The following MMP2 variants were observed in gnomAD, a reference collection of about 807,000 sequenced individuals.
MMP2 encodes 72 kDa type IV collagenase.
In MMP2, 39 loss-of-function variants were observed where a neutral mutation model predicts 74.8. The ratio of observed to expected loss-of-function variants is 0.52; its 90% CI spans 0.40 to 0.68. The LOEUF is 0.68. MMP2 is among the 30% of genes least tolerant of loss of function. MMP2 has a pLI of 0.00. For missense variants in MMP2, 803 were observed against 878.3 expected, an observed-to-expected ratio of 0.91 and a Z score of 1.08; for synonymous variants, 367 against 339.8, an observed-to-expected ratio of 1.08 and a Z score of -0.88.
chr16:55,488,621 G>A lies in MMP2; in HGVS notation c.911G>A (p.Ser304Asn). Reference protein sequence around the residue: ...PFRFQGTSYDSCTTEGRTDGY... With the variant: ...PFRFQGTSYDNCTTEGRTDGY... ...CGCTTCCAGGGCACATCCTATGACA[G>A]CTGCACCACTGAGGGCCGCACGGAT... The change falls in exon 6 of 13, where the codon AGC becomes AAC. Residue 304 changes from serine (S) to asparagine (N), a missense_variant. Ser to Asn is a conservative substitution (Grantham distance 46). Transcript: ENST00000219070. 6.2e-7 allele frequency: 1 copy of A among 1,613,942 alleles called. No homozygotes were observed. Among genetic ancestry groups the A allele is most frequent in the East Asian group, 2.2e-5 (1 of 44,866 alleles).
At chr16:55,482,834 T>G in intron 1 of MMP2, 75 bp from the exon 2 acceptor site, 1 of 1,287,796 alleles carries the variant, frequency 7.8e-7, no homozygotes, top group Non-Finnish European at 1.1e-6. Flanking sequence ...GGGGGCTGAT[T>G]GCTACAGCCT....
chr16:55,500,639 G>A (rs901084027), intron 11 of MMP2, among the ~76,000 whole-genome samples: 1 of 152,248 alleles, frequency 6.6e-6, no homozygotes, highest in South Asian at 2.1e-4. Context: ...CCAGAGCCAG[G>A]ACAGACAGCG....
At position 55,489,666 on chromosome 16, in the gene MMP2, G is replaced by A; in HGVS notation, c.1022G>A (p.Gly341Asp). 1 of 1,614,114 alleles carries A rather than the reference G, an allele frequency of 6.2e-7. No individual in the cohort carries two copies. The highest frequency in any genetic ancestry group is 8.5e-7 in the Non-Finnish European group (1 of 1,180,032). ...FCPETAMSTV[G>D]GNSEGAPCVF... ...AACCCCACAGCCATGTCCACTGTTG[G>A]TGGGAACTCAGAAGGTGCCCCCTGT... is the stretch of plus-strand genomic sequence containing the variant. Residue 341 changes from glycine to aspartate, a missense_variant, in exon 7 of 13, where the codon GGT (glycine) becomes GAT (aspartate). Around this residue, in one of 3 missense-constraint regions of MMP2, gnomAD observed 555 missense variants for 592.0 expected, o/e 0.94. Transcript: ENST00000219070.
At chr16:55,498,804 C>T (rs1962595791) in intron 11 of MMP2, among the ~76,000 whole-genome samples, 2 of 152,158 alleles carry the variant, frequency 1.3e-5, no homozygotes, top group African/African-American at 4.8e-5. Context: ...GAGACTGTCC[C>T]AAGGGTTCTA....
Position 55,493,193 on chromosome 16 carries a change from AC to A in MMP2, c.1377del (p.Thr460ArgfsTer38). The A allele has an allele frequency of 6.2e-7, 1 of 1,613,776 alleles. No homozygotes were observed. ...SPDIDLGTGPTPTLGPVTPEI... is the reference protein window; with the variant it reads ...SPDIDLGTGPXPTLGPVTPEI... ...TGACATTGACCTTGGCACCGGCCCC[AC>A]CCCCACGCTGGGCCCTGTCACTCCT... On this transcript the variant is annotated frameshift_variant, in exon 9 of 13. Transcript: ENST00000219070. LOFTEE classifies it high-confidence loss of function.
intron 11 of MMP2, among the ~76,000 whole-genome samples, chr16:55,501,129 A>G (rs990276760): frequency 3.3e-5 from 5 of 152,242 alleles, no homozygotes; most frequent in Non-Finnish European, 5.9e-5. Context: ...CAGGTCACCT[A>G]TATTTCTCAG....
chr16:55,486,348 T>TGTGTGTGC (rs1567375077), intron 5 of MMP2, among the ~76,000 whole-genome samples: 12 of 5,246 alleles, frequency 2.3e-3, no homozygotes, highest in African/African-American at 2.8e-3. Flanking sequence ...TGTGTGTGCC[T>TGTGTGTGC]GTGTGTGTGT....
At chr16:55,488,217 T>C (rs1962305746) in intron 5 of MMP2, 3 of 369,600 alleles carry the variant, frequency 8.1e-6, no homozygotes, top group Non-Finnish European at 1.5e-5. Flanking sequence ...GAAATTTGCA[T>C]GGTACAGGTG....
At chr16:55,498,718 C>T (rs1395602293) in intron 11 of MMP2, among the ~76,000 whole-genome samples, 2 of 152,202 alleles carry the variant, frequency 1.3e-5, no homozygotes, top group African/African-American at 4.8e-5. Flanking sequence ...TGGACCCTCA[C>T]ATTTTGAAAT....
Position 55,489,786 on chromosome 16 carries a change from A to G in MMP2, c.1142A>G (p.Tyr381Cys). The part of the protein sequence containing the change: ...GKMWCATTAN[Y>C]DDDRKWGFCP... ...ATGTGGTGTGCGACCACAGCCAACT[A>G]CGATGATGACCGCAAGTGGGGCTTC... is the stretch of plus-strand genomic sequence containing the variant. The change falls in exon 7 of 13, where the codon TAC becomes TGC. Residue 381 changes from tyrosine (Y) to cysteine (C), a missense_variant. Physicochemically the swap from Tyr to Cys is radical, Grantham distance 194. Around this residue, in one of 3 missense-constraint regions of MMP2, gnomAD observed 555 missense variants for 592.0 expected, o/e 0.94. Coordinates refer to ENST00000219070, the MANE Select transcript of MMP2 (RefSeq NM_004530.6). 1.9e-6 allele frequency: 3 copies of G among 1,614,120 alleles called. No homozygotes were observed. Among genetic ancestry groups the G allele is most frequent in the Non-Finnish European group, 2.5e-6 (3 of 1,180,024 alleles).
At chr16:55,501,653 CTGAGGGAGAAGTCCCTT>C (rs17859993) in intron 11 of MMP2, among the ~76,000 whole-genome samples, 4,702 of 152,216 alleles carry the variant, frequency 0.031, 245 homozygotes, top group African/African-American at 0.1. Flanking sequence ...GGGGTGATGG[CTGAGGGAGAAGTCCCTT>C]TGAGGGAGAA....
intron 6 of MMP2, among the ~76,000 whole-genome samples, 186 bp from the exon 7 acceptor site, chr16:55,489,465 G>A (rs760777097): frequency 6.6e-6 from 1 of 152,138 alleles, no homozygotes; most frequent in Non-Finnish European, 1.5e-5. Context: ...TCCATGAAAC[G>A]CGGTGCTATT....
chr16:55,500,467 G>C (rs1962638267), intron 11 of MMP2, among the ~76,000 whole-genome samples: 2 of 146,076 alleles, frequency 1.4e-5, no homozygotes, highest in African/African-American at 5.1e-5. Flanking sequence ...TAGCATATAG[G>C]AACATGATTG....
chr16:55,484,518 A>AT (rs1328276376), intron 3 of MMP2, among the ~76,000 whole-genome samples: 1 of 152,240 alleles, frequency 6.6e-6, no homozygotes, highest in Non-Finnish European at 1.5e-5. Flanking sequence ...CACTGGGCAC[A>AT]TTTTAAGTGC....
Position 55,492,047 on chromosome 16 carries a change from G to A in MMP2, c.1336+91G>A, listed in dbSNP as rs1482405987. 1.9e-5 allele frequency: 25 copies of A among 1,312,482 alleles called. No individual in the cohort carries two copies. The East Asian group carries it at 6.0e-4, about 32-fold the overall frequency. 81.3% of individuals were successfully genotyped at this position (1,312,482 alleles called of 1,614,324 possible). On this transcript the variant is annotated intron_variant, in intron 8 of 12. Transcript: ENST00000219070. ...GAGGCCCAGGGGGTGGGACCAGCAA[G>A]ATCTCATCCAGCCAGGAGTGCTGGA...
At chr16:55,497,602 G>A (rs999601853) in intron 10 of MMP2, among the ~76,000 whole-genome samples, 2 of 152,214 alleles carry the variant, frequency 1.3e-5, no homozygotes, top group Non-Finnish European at 2.9e-5. Flanking sequence ...ATTTCAAAAT[G>A]AATTCACTGA....
At position 55,506,337 on chromosome 16, in the gene MMP2, A is replaced by G. The variant is rs1224553256; in HGVS notation, c.*895A>G. 3.9e-5 allele frequency: 6 copies of G among 152,300 alleles called. No individual in the cohort carries two copies. The highest frequency in any genetic ancestry group is 2.9e-5 in the Non-Finnish European group (2 of 68,092). 9.4% of individuals were successfully genotyped at this position (152,300 alleles called of 1,614,324 possible). A position where few individuals can be genotyped will look rare whatever the true frequency, so the allele number is the denominator to read the frequency against. On this transcript the variant is annotated 3_prime_UTR_variant, in exon 13 of 13. Coordinates refer to ENST00000219070, the MANE Select transcript of MMP2 (RefSeq NM_004530.6). ...TCCGAATCTCTGCTCCCTGCAGGGC[A>G]CAGGTGATGGTGTCTGCTGGAAAGG...
At chr16:55,500,078 T>C (rs745949489) in intron 11 of MMP2, among the ~76,000 whole-genome samples, 3 of 150,754 alleles carry the variant, frequency 2.0e-5, no homozygotes, top group Non-Finnish European at 4.4e-5. Context: ...GGCCTGCCCA[T>C]GTCAGGGTGG....
Position 55,493,247 on chromosome 16 carries a change from G to T in MMP2, c.1426G>T (p.Asp476Tyr), listed in dbSNP as rs1233066074. 2 of 1,614,054 alleles carry T rather than the reference G, an allele frequency of 1.2e-6. No individual in the cohort carries two copies. The highest frequency in any genetic ancestry group is 2.7e-5 in the African/African-American group (2 of 74,906). The change falls in exon 9 of 13, where the codon GAT becomes TAT. Residue 476 changes from aspartate (D) to tyrosine (Y), a missense_variant. Around this residue, in one of 3 missense-constraint regions of MMP2, gnomAD observed 555 missense variants for 592.0 expected, o/e 0.94. Transcript: ENST00000219070. ...PEICKQDIVF[D>Y]GIAQIRGEIF... ...GATCTGCAAACAGGACATTGTATTTGATGGCATCGCTCAGATCCGTGGTGA... is the reference window on the plus strand; with the variant it reads ...GATCTGCAAACAGGACATTGTATTTTATGGCATCGCTCAGATCCGTGGTGA...
Sources: allele counts gnomAD v4.1 joint callset (sites outside exome capture counted in the v4.1 genomes callset), GRCh38; gene constraint gnomAD v4.1.1; regional missense constraint gnomAD v4.1.1; transcripts MANE v1.5; gene names NCBI Gene and HGNC (gene_info 2026-07-23, HGNC 2026-07-21).